SMAD2: variants seen among roughly 807,000 people sequenced by gnomAD.
SMAD2 encodes the protein MAD homolog 2.
SMAD2 carries 8 observed loss-of-function variants against 64.4 expected under a neutral mutation model. The observed-to-expected ratio is 0.12, with a 90% CI of 0.07 to 0.22. The LOEUF is 0.22. Among genes scored for constraint, SMAD2 ranks in the 10% least tolerant of loss-of-function variants. The pLI is 1.00. For synonymous variants in SMAD2, 203 were observed against 195.8 expected (o/e 1.04, Z -0.31); for missense variants, 289 against 561.2 (o/e 0.51, Z 4.90).
At chr18:47,858,742 C>A (rs1233125884) in intron 6 of SMAD2, among the ~76,000 whole-genome samples, 1 of 151,942 alleles carries the variant, frequency 6.6e-6, no homozygotes, top group Non-Finnish European at 1.5e-5. Flanking sequence ...AATGTAATCA[C>A]GAGAATGCCA....
chr18:47,918,689 A>G (rs1258775518), intron 1 of SMAD2, among the ~76,000 whole-genome samples: 1 of 152,198 alleles, frequency 6.6e-6, no homozygotes, highest in African/African-American at 2.4e-5. Flanking sequence ...AAGAAAGAGC[A>G]GCATGCTCTC....
At chr18:47,851,204 A>C in intron 7 of SMAD2, 70 bp downstream of exon 7, 3 of 1,078,224 alleles carry the variant, frequency 2.8e-6, no homozygotes, top group Non-Finnish European at 4.3e-6. Context: ...AATAACTCCT[A>C]GAGATGATTT....
Position 47,869,533 on chromosome 18 carries a change from AG to A in SMAD2, c.327-98del. On this transcript the variant is annotated intron_variant, in intron 3 of 10. Transcript: ENST00000262160. ...CTAAATTAGTACAATAAAAGCATAA[AG>A]AAAAGAATGACAGCCATTTAGTTAG... 5.9e-6 allele frequency: 5 copies of A among 848,080 alleles called. No homozygotes were observed. In the South Asian group the frequency reaches 8.0e-5, roughly 14 times the overall value. 52.5% of individuals were successfully genotyped at this position (848,080 alleles called of 1,614,324 possible).
At chr18:47,873,658 T>C (rs992713497) in intron 2 of SMAD2, among the ~76,000 whole-genome samples, 4 of 152,210 alleles carry the variant, frequency 2.6e-5, no homozygotes, top group African/African-American at 9.6e-5. Flanking sequence ...TTCCTTCATA[T>C]AACAATGATA....
chr18:47,929,650 G>A (rs144741747), intron 1 of SMAD2, among the ~76,000 whole-genome samples: 5 of 152,256 alleles, frequency 3.3e-5, no homozygotes, highest in Admixed American at 1.3e-4. Flanking sequence ...AGGGTCAAGA[G>A]AAAGGAATAA....
chr18:47,849,992 G>A (rs900279733), intron 7 of SMAD2, among the ~76,000 whole-genome samples: 7 of 150,954 alleles, frequency 4.6e-5, no homozygotes, highest in Non-Finnish European at 4.4e-5. Context: ...GGGCGACAGA[G>A]CAAGACTCTG....
At chr18:47,915,096 C>G (rs997179464) in intron 1 of SMAD2, among the ~76,000 whole-genome samples, 1 of 152,162 alleles carries the variant, frequency 6.6e-6, no homozygotes, top group Non-Finnish European at 1.5e-5. Flanking sequence ...CACTCATGTA[C>G]TTTCCATCTA....
intron 1 of SMAD2, chr18:47,912,477 G>T (rs2034175252): frequency 6.6e-6 from 1 of 152,240 alleles, no homozygotes; most frequent in Admixed American, 6.5e-5. Flanking sequence ...ATGCCTTTAT[G>T]TAAGTAACTA....
intron 7 of SMAD2, 65 bp from the exon 8 acceptor site, chr18:47,848,752 T>G (rs147732220): frequency 2.7e-6 from 3 of 1,115,894 alleles, no homozygotes; most frequent in Non-Finnish European, 3.9e-6. Context: ...AAGCCAAAAA[T>G]AGATTTAATA....
chr18:47,896,273 G>A (rs545551315), intron 2 of SMAD2, among the ~76,000 whole-genome samples: 1 of 152,230 alleles, frequency 6.6e-6, no homozygotes, highest in African/African-American at 2.4e-5. Flanking sequence ...CGGAAATGAG[G>A]ATAACATACA....
chr18:47,906,042 G>T (rs1457238100), intron 1 of SMAD2, among the ~76,000 whole-genome samples: 1 of 151,836 alleles, frequency 6.6e-6, no homozygotes, highest in Admixed American at 6.6e-5. Context: ...TGAGCACAGG[G>T]GTGCGGAGGC....
At chr18:47,886,311 T>A (rs2032896935) in intron 2 of SMAD2, among the ~76,000 whole-genome samples, 1 of 152,238 alleles carries the variant, frequency 6.6e-6, no homozygotes, top group Non-Finnish European at 1.5e-5. Context: ...ATAGAGGTTA[T>A]GTTTAGATAA....
At chr18:47,863,995 G>C (rs2031378796) in intron 6 of SMAD2, among the ~76,000 whole-genome samples, 1 of 151,802 alleles carries the variant, frequency 6.6e-6, no homozygotes, top group Non-Finnish European at 1.5e-5. Flanking sequence ...ATCTCACTGT[G>C]GTTTATGACG....
At chr18:47,918,896 A>G (rs1444632005) in intron 1 of SMAD2, among the ~76,000 whole-genome samples, 1 of 152,188 alleles carries the variant, frequency 6.6e-6, no homozygotes, top group Non-Finnish European at 1.5e-5. Flanking sequence ...CAACAGTTCC[A>G]AACAGAGATG....
At chr18:47,906,244 A>C (rs933764070) in intron 1 of SMAD2, among the ~76,000 whole-genome samples, 2 of 152,174 alleles carry the variant, frequency 1.3e-5, no homozygotes, top group African/African-American at 4.8e-5. Context: ...CCCCAAAAAA[A>C]CGGTCATTGT....
At position 47,875,122 on chromosome 18, in the gene SMAD2, C is replaced by T. The variant is rs918458934; in HGVS notation, c.237-4558G>A. On this transcript the variant is annotated intron_variant, in intron 2 of 10. Coordinates refer to ENST00000262160, the MANE Select transcript of SMAD2 (RefSeq NM_005901.6). ...AATGTCCTTTCTGTCTCACATGAAC[C>T]TTTGGTACCAATTTTCTTCCATGTG... Among the ~76,000 whole-genome samples, 69 of 152,196 alleles carry T rather than the reference C, an allele frequency of 4.5e-4. 1 individual carries two copies. The highest frequency in any genetic ancestry group is 3.9e-4 in the Admixed American group (6 of 15,268).
At chr18:47,874,408 G>A (rs577404575) in intron 2 of SMAD2, among the ~76,000 whole-genome samples, 4 of 152,242 alleles carry the variant, frequency 2.6e-5, no homozygotes, top group African/African-American at 7.2e-5. Context: ...CAGAAGAACC[G>A]CTAGGAAAGA....
intron 7 of SMAD2, 90 bp downstream of exon 7, chr18:47,851,184 A>G: frequency 1.1e-6 from 1 of 917,622 alleles, no homozygotes; most frequent in South Asian, 1.4e-5. Context: ...CCTTTCTCGG[A>G]TATATAAAAA....
chr18:47,861,918 T>C (rs907798474), intron 6 of SMAD2, among the ~76,000 whole-genome samples: 1 of 152,244 alleles, frequency 6.6e-6, no homozygotes, highest in African/African-American at 2.4e-5. Flanking sequence ...TAAATGCTAT[T>C]ATTGTCCCTA....
Sources: allele counts gnomAD v4.1 joint callset (sites outside exome capture counted in the v4.1 genomes callset), GRCh38; gene constraint gnomAD v4.1.1; transcripts MANE v1.5; gene names NCBI Gene and HGNC (gene_info 2026-07-23, HGNC 2026-07-21).